SFI1: variants seen among roughly 807,000 people sequenced by gnomAD.
The protein encoded by SFI1 is protein SFI1 homolog.
A neutral mutation model predicts 207.5 loss-of-function variants in SFI1; 195 were observed. That is an observed-to-expected ratio of 0.94 (90% confidence interval 0.84 to 1.06). SFI1 has a LOEUF of 1.06. Ranked by LOEUF, SFI1 falls within the 50% of genes least tolerant of loss-of-function variation. SFI1 has a pLI of 0.00. For synonymous variants in SFI1, 630 were observed against 598.9 expected, an observed-to-expected ratio of 1.05 and a Z score of -0.76; for missense variants, 1,634 against 1,588.0, an observed-to-expected ratio of 1.03 and a Z score of -0.49.
intron 8 of SFI1, among the ~76,000 whole-genome samples, chr22:31,563,708 C>G (rs1376662666): frequency 6.6e-6 from 1 of 152,170 alleles, no homozygotes; most frequent in Non-Finnish European, 1.5e-5. Flanking sequence ...GCCTCAGCCT[C>G]CCAAGTAGCT....
chr22:31,536,988 G>A (rs538295327), intron 4 of SFI1, among the ~76,000 whole-genome samples: 5 of 151,770 alleles, frequency 3.3e-5, no homozygotes, highest in South Asian at 2.1e-4. Flanking sequence ...GCACTCAAGC[G>A]ATCCTCCCTG....
intron 3 of SFI1, chr22:31,529,073 C>T: frequency 2.0e-6 from 1 of 496,682 alleles, no homozygotes; most frequent in East Asian, 3.0e-5. Flanking sequence ...TCCACTTGTG[C>T]CTCACAATAT....
In SFI1 at chr22:31,499,765, G is replaced by A. The variant is rs910608776; in HGVS notation, c.-31+3128G>A. 2.0e-5 allele frequency among the ~76,000 whole-genome samples: 3 copies of A among 151,114 alleles called. No homozygotes were observed. In the South Asian group the frequency reaches 6.3e-4, roughly 32 times the overall value. ...GCACTTTGGGAGGCTGAGGCGGGCG[G>A]ATTACCTGAGGTCAGGAGTTCGAGA... On this transcript the variant is annotated intron_variant, in intron 1 of 32. Coordinates refer to ENST00000400288, the MANE Select transcript of SFI1 (RefSeq NM_001007467.3).
chr22:31,589,413 T>A (rs1284111489), intron 14 of SFI1, 34 bp from the exon 15 acceptor site: 3 of 1,524,386 alleles, frequency 2.0e-6, no homozygotes, highest in African/African-American at 2.8e-5. Context: ...AAAAAAAAAG[T>A]TAAGTACAAA....
At chr22:31,596,946 T>C (rs1171513625) in intron 15 of SFI1, among the ~76,000 whole-genome samples, 1 of 146,718 alleles carries the variant, frequency 6.8e-6, no homozygotes, top group Non-Finnish European at 1.5e-5. Context: ...ATGGCTTCAG[T>C]ACTGAAAACG....
intron 4 of SFI1, among the ~76,000 whole-genome samples, chr22:31,536,561 G>A (rs777952046): frequency 1.6e-4 from 24 of 152,110 alleles, no homozygotes; most frequent in Non-Finnish European, 3.2e-4. Flanking sequence ...AAAGGTGCAC[G>A]CCACCATGCT....
At chr22:31,594,367 G>C (rs980228149) in intron 15 of SFI1, among the ~76,000 whole-genome samples, 3 of 151,608 alleles carry the variant, frequency 2.0e-5, no homozygotes, top group Non-Finnish European at 4.4e-5. Flanking sequence ...GGCCAACATG[G>C]TGAAACCCTC....
chr22:31,617,909 T>C (rs2072035704), intron 31 of SFI1, among the ~76,000 whole-genome samples: 1 of 152,042 alleles, frequency 6.6e-6, no homozygotes, highest in South Asian at 2.1e-4. Context: ...TGCTGTCTGC[T>C]GGGGAGGGCG....
intron 19 of SFI1, 131 bp downstream of exon 19, chr22:31,604,535 TG>T: frequency 5.1e-6 from 4 of 792,064 alleles, no homozygotes; most frequent in Non-Finnish European, 5.8e-6. Context: ...ACCAAGCAGG[TG>T]CCCCGGACAG....
At chr22:31,599,353 G>A (rs1469958079) in intron 15 of SFI1, among the ~76,000 whole-genome samples, 4 of 150,128 alleles carry the variant, frequency 2.7e-5, no homozygotes, top group African/African-American at 9.8e-5. Context: ...ACAGAATCTC[G>A]CTCTATTGCC....
intron 3 of SFI1, chr22:31,530,784 T>C (rs2058444008): frequency 8.7e-6 from 4 of 461,328 alleles, no homozygotes; most frequent in African/African-American, 2.0e-5. Flanking sequence ...AGAATTATTA[T>C]GTACTTCCTG....
chr22:31,570,872 G>A (rs1253015928), intron 8 of SFI1, among the ~76,000 whole-genome samples: 4 of 152,314 alleles, frequency 2.6e-5, no homozygotes, highest in Admixed American at 6.5e-5. Flanking sequence ...GACACATCCC[G>A]AAAGCCAGGT....
intron 4 of SFI1, among the ~76,000 whole-genome samples, chr22:31,538,160 C>T (rs976798896): frequency 6.6e-6 from 1 of 151,910 alleles, no homozygotes; most frequent in Admixed American, 6.6e-5. Context: ...TTAGTAGAGA[C>T]GGGGTTTCAC....
intron 15 of SFI1, among the ~76,000 whole-genome samples, chr22:31,593,826 T>C (rs2066568705): frequency 6.8e-6 from 1 of 147,418 alleles, no homozygotes; most frequent in Non-Finnish European, 1.5e-5. Flanking sequence ...AAACCCCGTC[T>C]CCACCAAAAC....
At chr22:31,614,920 A>G (rs746698164) in intron 28 of SFI1, 60 bp downstream of exon 28, 2 of 1,595,494 alleles carry the variant, frequency 1.3e-6, no homozygotes, top group Non-Finnish European at 1.7e-6. Context: ...CCCCAAAGGC[A>G]GCGGGCACCT....
At chr22:31,582,236 A>ATATATATATATATCTTTT (rs1487021004) in intron 12 of SFI1, among the ~76,000 whole-genome samples, 1 of 10,140 alleles carries the variant, frequency 9.9e-5, no homozygotes, top group African/African-American at 3.5e-4. Flanking sequence ...ATATATATAT[A>ATATATATATATATCTTTT]TTTTTTTTTT....
chr22:31,568,531 C>CAAAAAA (rs60447566), intron 8 of SFI1, among the ~76,000 whole-genome samples: 6 of 37,416 alleles, frequency 1.6e-4, no homozygotes, highest in East Asian at 8.3e-4. Context: ...GACCCTGTCT[C>CAAAAAA]AAAAAAAAAA....
At chr22:31,572,545 A>G (rs892039875) in intron 8 of SFI1, among the ~76,000 whole-genome samples, 8 of 152,036 alleles carry the variant, frequency 5.3e-5, no homozygotes, top group Non-Finnish European at 1.2e-4. Context: ...CTTGTCGCCC[A>G]GGCTGGAGTG....
intron 27 of SFI1, 110 bp from the exon 28 acceptor site, chr22:31,614,679 G>A (rs769731318): frequency 1.1e-5 from 15 of 1,306,664 alleles, no homozygotes; most frequent in East Asian, 4.8e-5. Context: ...CCTTGGCCTC[G>A]CCTTTCCTGA....
Sources: allele counts gnomAD v4.1 joint callset (sites outside exome capture counted in the v4.1 genomes callset), GRCh38; gene constraint gnomAD v4.1.1; transcripts MANE v1.5; gene names NCBI Gene and HGNC (gene_info 2026-07-23, HGNC 2026-07-21).